CDH12: variants seen among roughly 807,000 people sequenced by gnomAD.
CDH12 encodes the protein cadherin 12.
Under a neutral mutation model 74.1 loss-of-function variants are expected in CDH12, and 41 were observed. That is an observed-to-expected ratio of 0.55 (90% CI 0.43 to 0.72). The LOEUF is 0.72. Among genes scored for constraint, CDH12 ranks in the 30% least tolerant of loss-of-function variants. The pLI is 0.00. For synonymous variants in CDH12, 399 were observed against 355.0 expected (o/e 1.12, Z -1.39); for missense variants, 945 against 977.2 (o/e 0.97, Z 0.44).
At chr5:22,155,633 T>A (rs182647715) in intron 4 of CDH12, among the ~76,000 whole-genome samples, 4 of 152,224 alleles carry the variant, frequency 2.6e-5, no homozygotes, top group African/African-American at 9.6e-5. Flanking sequence ...TGAACATATA[T>A]GTTTTAAAGT....
chr5:22,662,630 C>T (rs541793714), intron 1 of CDH12, among the ~76,000 whole-genome samples: 66 of 152,248 alleles, frequency 4.3e-4, no homozygotes, highest in Admixed American at 1.4e-3. Context: ...CGGCATAAAG[C>T]CAGGATATAA....
At chr5:21,956,505 C>G (rs1412758668) in intron 6 of CDH12, among the ~76,000 whole-genome samples, 1 of 151,864 alleles carries the variant, frequency 6.6e-6, no homozygotes, top group African/African-American at 2.4e-5. Context: ...ATTATTTATT[C>G]TGTTTACTAC....
At chr5:22,819,469 G>T (rs1247319087) in intron 1 of CDH12, among the ~76,000 whole-genome samples, 1 of 151,924 alleles carries the variant, frequency 6.6e-6, no homozygotes, top group Non-Finnish European at 1.5e-5. Context: ...CAACAATTAA[G>T]AATTTATTTA....
In CDH12 at chr5:22,693,965, G is replaced by T. The variant is rs193224513; in HGVS notation, c.-523+159093C>A. Among the ~76,000 whole-genome samples the T allele has an allele frequency of 2.7e-3, 416 of 151,944 alleles. 3 individuals carry two copies. Among genetic ancestry groups the T allele is most frequent in the Non-Finnish European group, 2.6e-3 (180 of 67,960 alleles). ...TATTTATTTGTTTATTGAGAGAAAG[G>T]ATTTCACTCTGTTGCCCAGGCTGGA... On this transcript the variant is annotated intron_variant, in intron 1 of 14. Transcript: ENST00000382254.
intron 1 of CDH12, among the ~76,000 whole-genome samples, chr5:22,544,198 G>C (rs994092001): frequency 6.6e-6 from 1 of 151,588 alleles, no homozygotes; most frequent in Non-Finnish European, 1.5e-5. Flanking sequence ...AATAATCACA[G>C]TTGCCTTCCA....
chr5:22,050,626 A>C (rs1047117954), intron 5 of CDH12, among the ~76,000 whole-genome samples: 17 of 152,118 alleles, frequency 1.1e-4, no homozygotes, highest in African/African-American at 4.1e-4. Context: ...CTGCTATCCA[A>C]TTATCACCCT....
chr5:22,110,017 G>T (rs1316844983), intron 4 of CDH12, among the ~76,000 whole-genome samples: 1 of 152,138 alleles, frequency 6.6e-6, no homozygotes, highest in Non-Finnish European at 1.5e-5. Context: ...AGTTAATTTG[G>T]CAGAAAAGGG....
intron 3 of CDH12, among the ~76,000 whole-genome samples, chr5:22,367,942 C>G (rs1433109438): frequency 2.0e-5 from 3 of 152,044 alleles, no homozygotes; most frequent in African/African-American, 7.2e-5. Flanking sequence ...AATAAATAAA[C>G]TATATACATT....
intron 2 of CDH12, among the ~76,000 whole-genome samples, chr5:22,454,433 C>G (rs1330704734): frequency 6.6e-6 from 1 of 152,064 alleles, no homozygotes; most frequent in East Asian, 1.9e-4. Context: ...TTTTCTCAGG[C>G]TGCTGTATCA....
At chr5:22,687,500 T>A (rs1741873121) in intron 1 of CDH12, among the ~76,000 whole-genome samples, 1 of 152,136 alleles carries the variant, frequency 6.6e-6, no homozygotes, top group South Asian at 2.1e-4. Flanking sequence ...CTTAGCTTCC[T>A]GGGCTCAAGT....
intron 4 of CDH12, among the ~76,000 whole-genome samples, chr5:22,191,016 C>T (rs1276209865): frequency 6.6e-6 from 1 of 152,194 alleles, no homozygotes; most frequent in Non-Finnish European, 1.5e-5. Context: ...CTTTCCTATT[C>T]CTGTCCCATT....
chr5:22,437,739 C>CT (rs1259419763), intron 2 of CDH12, among the ~76,000 whole-genome samples: 1 of 151,810 alleles, frequency 6.6e-6, no homozygotes, highest in African/African-American at 2.4e-5. Flanking sequence ...CAATAAAAGG[C>CT]TTTTTGTGAT....
intron 1 of CDH12, among the ~76,000 whole-genome samples, chr5:22,802,287 A>AT (rs1748573509): frequency 2.0e-5 from 3 of 151,422 alleles, no homozygotes; most frequent in Non-Finnish European, 2.9e-5. Flanking sequence ...ACACCCGGCT[A>AT]TTTTTTGTAT....
intron 1 of CDH12, among the ~76,000 whole-genome samples, chr5:22,666,902 A>T (rs1237854493): frequency 1.3e-5 from 2 of 152,194 alleles, no homozygotes; most frequent in African/African-American, 4.8e-5. Flanking sequence ...TAGAATGCAT[A>T]ATATAACCTA....
intron 1 of CDH12, among the ~76,000 whole-genome samples, chr5:22,587,143 G>A (rs534422624): frequency 1.3e-5 from 2 of 152,050 alleles, no homozygotes; most frequent in African/African-American, 2.4e-5. Context: ...GCCTAGAAGT[G>A]GACTTTTAAG....
intron 1 of CDH12, among the ~76,000 whole-genome samples, chr5:22,654,643 T>G (rs1353941893): frequency 6.6e-6 from 1 of 151,350 alleles, no homozygotes; most frequent in Admixed American, 6.6e-5. Context: ...TTTTTGTTGT[T>G]GTTGTTGTTT....
chr5:22,094,379 T>C (rs758403280), intron 4 of CDH12, among the ~76,000 whole-genome samples: 15 of 152,146 alleles, frequency 9.9e-5, no homozygotes, highest in Non-Finnish European at 1.8e-4. Flanking sequence ...ATTTGAATAA[T>C]GTCAATACAT....
intron 1 of CDH12, among the ~76,000 whole-genome samples, chr5:22,797,651 T>G (rs1748297975): frequency 6.6e-6 from 1 of 152,196 alleles, no homozygotes; most frequent in Non-Finnish European, 1.5e-5. Flanking sequence ...TATGTAGAAA[T>G]AAAAGATTCT....
At chr5:22,324,953 T>TG (rs1041155808) in intron 3 of CDH12, among the ~76,000 whole-genome samples, 1 of 152,140 alleles carries the variant, frequency 6.6e-6, no homozygotes, top group Non-Finnish European at 1.5e-5. Flanking sequence ...ATTATCTAAG[T>TG]GGGGGGCTGA....
Sources: allele counts gnomAD v4.1 joint callset (sites outside exome capture counted in the v4.1 genomes callset), GRCh38; gene constraint gnomAD v4.1.1; transcripts MANE v1.5; gene names NCBI Gene and HGNC (gene_info 2026-07-23, HGNC 2026-07-21).